The following CSMD1 variants were observed in gnomAD, a reference collection of about 807,000 sequenced individuals.
CSMD1 encodes CUB and sushi domain-containing protein 1.
In CSMD1, 213 loss-of-function variants were observed where a neutral mutation model predicts 417.5. The ratio of observed to expected loss-of-function variants is 0.51; its 90% confidence interval spans 0.46 to 0.57. The LOEUF (loss-of-function observed/expected upper bound fraction) is 0.57. Among genes scored for constraint, CSMD1 ranks in the 20% least tolerant of loss-of-function variants. CSMD1 has a pLI of 0.00. For missense variants in CSMD1, 6,923 were observed against 4,529.7 expected, an observed-to-expected ratio of 1.53 and a Z score of -15.17; for synonymous variants, 2,862 against 1,736.8, an observed-to-expected ratio of 1.65 and a Z score of -16.11.
Position 4,421,452 on chromosome 8 carries a change from C to G in CSMD1, c.303-1387G>C, listed in dbSNP as rs1260306590. Among the ~76,000 whole-genome samples, 6 of 152,036 alleles carry G rather than the reference C, an allele frequency of 3.9e-5. No homozygotes were observed. The East Asian group carries it at 1.2e-3, about 29-fold the overall frequency. Reference sequence around the variant, plus strand: ...TCGAGGCCATAAAACAAACCTCAAACTATATAAAATAACTGAAATCATATA... The same window carrying G: ...TCGAGGCCATAAAACAAACCTCAAAGTATATAAAATAACTGAAATCATATA... On this transcript the variant is annotated intron_variant, in intron 2 of 69. Transcript: ENST00000635120.
At chr8:4,301,019 CATG>C (rs768644813) in intron 3 of CSMD1, among the ~76,000 whole-genome samples, 2 of 152,032 alleles carry the variant, frequency 1.3e-5, no homozygotes, top group Non-Finnish European at 2.9e-5. Flanking sequence ...TTTATAGCAG[CATG>C]ATAAGATTAG....
chr8:3,567,393 G>T (rs1033551603), intron 10 of CSMD1, among the ~76,000 whole-genome samples: 2 of 151,042 alleles, frequency 1.3e-5, no homozygotes, highest in Non-Finnish European at 3.0e-5. Context: ...TAACAAACCT[G>T]CATGTGTATC....
intron 3 of CSMD1, among the ~76,000 whole-genome samples, chr8:4,166,812 A>G (rs549373170): frequency 2.0e-5 from 3 of 152,334 alleles, no homozygotes; most frequent in African/African-American, 7.2e-5. Context: ...TTAATGAGAC[A>G]ATATTTTACA....
intron 1 of CSMD1, among the ~76,000 whole-genome samples, chr8:4,680,814 A>T (rs993102849): frequency 3.3e-5 from 5 of 152,058 alleles, no homozygotes; most frequent in African/African-American, 1.2e-4. Context: ...TCTTGACTTC[A>T]GGTGATCCAC....
At chr8:4,317,779 C>A (rs1322783053) in intron 3 of CSMD1, among the ~76,000 whole-genome samples, 1 of 152,098 alleles carries the variant, frequency 6.6e-6, no homozygotes, top group Non-Finnish European at 1.5e-5. Flanking sequence ...CAGAAGTTTT[C>A]TTTTATATAG....
intron 52 of CSMD1, among the ~76,000 whole-genome samples, chr8:3,016,711 T>A (rs1808865271): frequency 6.6e-6 from 1 of 152,228 alleles, no homozygotes; most frequent in African/African-American, 2.4e-5. Context: ...ATCCAATATC[T>A]ACAACACAAA....
intron 10 of CSMD1, among the ~76,000 whole-genome samples, chr8:3,560,749 C>G (rs1036834664): frequency 6.6e-6 from 1 of 152,154 alleles, no homozygotes; most frequent in African/African-American, 2.4e-5. Flanking sequence ...AGCAGCCTTT[C>G]AGGAGAACTT....
intron 3 of CSMD1, among the ~76,000 whole-genome samples, chr8:4,125,187 A>G (rs932946766): frequency 3.9e-5 from 6 of 152,148 alleles, no homozygotes; most frequent in African/African-American, 1.4e-4. Context: ...TGGGGCCCCA[A>G]AATTACTAAA....
chr8:3,461,295 T>C (rs1488654103), intron 12 of CSMD1, among the ~76,000 whole-genome samples: 2 of 151,812 alleles, frequency 1.3e-5, no homozygotes, highest in East Asian at 3.9e-4. Flanking sequence ...TTTTGCTGGA[T>C]AGAATGAGGG....
At chr8:3,517,397 T>C (rs951916683) in intron 10 of CSMD1, among the ~76,000 whole-genome samples, 3 of 152,258 alleles carry the variant, frequency 2.0e-5, no homozygotes, top group South Asian at 2.1e-4. Flanking sequence ...TGATAAACAA[T>C]CCTTAGTATC....
chr8:3,427,031 A>T (rs1251062761), intron 12 of CSMD1, among the ~76,000 whole-genome samples: 1 of 152,080 alleles, frequency 6.6e-6, no homozygotes, highest in Non-Finnish European at 1.5e-5. Context: ...CACTTATAAA[A>T]CCAACACATC....
intron 8 of CSMD1, among the ~76,000 whole-genome samples, chr8:3,593,948 G>C (rs545446606): frequency 1.4e-4 from 22 of 152,184 alleles, no homozygotes; most frequent in African/African-American, 5.3e-4. Flanking sequence ...GGAGTTTCCT[G>C]AACAAGGTGC....
At chr8:4,783,148 T>G (rs992812229) in intron 1 of CSMD1, among the ~76,000 whole-genome samples, 1 of 152,220 alleles carries the variant, frequency 6.6e-6, no homozygotes, top group African/African-American at 2.4e-5. Context: ...AGCAAATTCA[T>G]CTCTCCAACC....
chr8:3,384,953 T>C (rs1268403315), intron 18 of CSMD1, among the ~76,000 whole-genome samples: 2 of 83,896 alleles, frequency 2.4e-5, no homozygotes, highest in African/African-American at 9.7e-5. Flanking sequence ...TATGCATATA[T>C]AATATATAAT....
At chr8:4,062,936 T>C (rs1330487505) in intron 3 of CSMD1, among the ~76,000 whole-genome samples, 1 of 151,988 alleles carries the variant, frequency 6.6e-6, no homozygotes, top group East Asian at 1.9e-4. Flanking sequence ...AATTCTTCTA[T>C]ATAAAAAGCT....
chr8:3,650,138 G>T (rs969104166), intron 7 of CSMD1, among the ~76,000 whole-genome samples: 1 of 152,074 alleles, frequency 6.6e-6, no homozygotes, highest in Non-Finnish European at 1.5e-5. Context: ...ACTTAGCCAG[G>T]CATGGTGGTG....
At position 3,905,920 on chromosome 8, in the gene CSMD1, T is replaced by C. The variant is rs535048068; in HGVS notation, c.818+91983A>G. Among the ~76,000 whole-genome samples, 17 of 152,320 alleles carry C rather than the reference T, an allele frequency of 1.1e-4. 1 individual carries two copies. The South Asian group carries it at 3.3e-3, about 30-fold the overall frequency. On this transcript the variant is annotated intron_variant, in intron 5 of 69. Transcript: ENST00000635120. ...TATTTGCTCCTTTGCAATGGGCCAA[T>C]TTATAACCATGTTTTTGGTGCCCCT...
chr8:3,500,858 C>A (rs201261012), intron 10 of CSMD1, among the ~76,000 whole-genome samples: 1 of 152,134 alleles, frequency 6.6e-6, no homozygotes, highest in East Asian at 1.9e-4. Flanking sequence ...TTCTGCAGAT[C>A]TCTCAGGTAT....
intron 2 of CSMD1, among the ~76,000 whole-genome samples, chr8:4,476,759 T>A (rs147152705): frequency 1.6e-4 from 25 of 152,166 alleles, no homozygotes; most frequent in African/African-American, 6.0e-4. Context: ...TTTGTTCATA[T>A]GTAAGGATTA....
Sources: allele counts gnomAD v4.1 joint callset (sites outside exome capture counted in the v4.1 genomes callset), GRCh38; gene constraint gnomAD v4.1.1; transcripts MANE v1.5; gene names NCBI Gene and HGNC (gene_info 2026-07-23, HGNC 2026-07-21).